The following ACSL6 variants were observed in gnomAD, a reference collection of about 807,000 sequenced individuals.
The protein encoded by ACSL6 is long-chain-fatty-acid--CoA ligase 6.
Under a neutral mutation model 98.2 loss-of-function variants are expected in ACSL6, and 47 were observed. That is an observed-to-expected ratio of 0.48 (90% CI 0.38 to 0.61). The LOEUF is 0.61. ACSL6 is among the 20% of genes least tolerant of loss of function. The probability of loss-of-function intolerance (pLI) is 0.00; values close to 1 mark genes in which losing one functional copy is unlikely to be tolerated. For synonymous variants in ACSL6, 362 were observed against 336.9 expected (o/e 1.07, Z -0.82); for missense variants, 761 against 913.4 (o/e 0.83, Z 2.15).
chr5:131,951,041 A>G lies in ACSL6; in HGVS notation c.*3193T>C, dbSNP rs1259499975. Reference sequence around the variant, plus strand: ...CATTTGCAAGGGAAGTCTCAATATTATATAAAGACATCTTCCACAGCAAAA... The same window carrying G: ...CATTTGCAAGGGAAGTCTCAATATTGTATAAAGACATCTTCCACAGCAAAA... On this transcript the variant is annotated 3_prime_UTR_variant, in exon 21 of 21. Coordinates refer to ENST00000651883, the MANE Select transcript of ACSL6 (RefSeq NM_001009185.3). The G allele has an allele frequency of 5.1e-6, 1 of 196,456 alleles. No homozygotes were observed. The highest frequency in any genetic ancestry group is 1.1e-5 in the Non-Finnish European group (1 of 94,828). 12.2% of individuals were successfully genotyped at this position (196,456 alleles called of 1,614,324 possible).
intron 9 of ACSL6, among the ~76,000 whole-genome samples, chr5:131,981,339 A>C (rs1024065491): frequency 8.6e-5 from 13 of 151,866 alleles, no homozygotes; most frequent in African/African-American, 2.2e-4. Context: ...AAAAAAAAAA[A>C]AAAAAACACA....
chr5:132,009,234 G>A (rs1309700291), intron 1 of ACSL6, among the ~76,000 whole-genome samples: 1 of 152,196 alleles, frequency 6.6e-6, no homozygotes, highest in Non-Finnish European at 1.5e-5. Context: ...CTCCCTGAGG[G>A]CCCTTGAGGG....
chr5:131,976,691 C>T lies in ACSL6; in HGVS notation c.947G>A (p.Gly316Glu), dbSNP rs556101702. Residue 316 changes from glycine to glutamate, a missense_variant, in exon 10 of 21, where the codon GGG becomes GAG. Physicochemically the swap from Gly to Glu is moderately conservative, Grantham distance 98. Transcript: ENST00000651883. Reference sequence around the variant, plus strand: ...GCCTGAGAAATCAGCCACCACGTTCCCATGGGTGAGCATCGCACCTTTTGG... The same window carrying T: ...GCCTGAGAAATCAGCCACCACGTTCTCATGGGTGAGCATCGCACCTTTTGG... ...GNPKGAMLTH[G>E]NVVADFSGFL... 3.7e-5 allele frequency: 60 copies of T among 1,614,200 alleles called. 1 individual carries two copies. In the South Asian group the frequency reaches 6.1e-4, roughly 17 times the overall value.
At chr5:131,984,464 A>G (rs1754064061) in intron 9 of ACSL6, 1 of 152,292 alleles carries the variant, frequency 6.6e-6, no homozygotes, top group African/African-American at 2.4e-5. Context: ...CCACGTCATC[A>G]GATGAGATGG....
At chr5:131,976,614 G>T in intron 10 of ACSL6, 34 bp downstream of exon 10, 1 of 1,558,758 alleles carries the variant, frequency 6.4e-7, no homozygotes, top group South Asian at 1.1e-5. Flanking sequence ...TTGTCCTCAA[G>T]AGACACCTGC....
intron 20 of ACSL6, 43 bp from the exon 21 acceptor site, chr5:131,954,414 A>T: frequency 6.3e-7 from 1 of 1,598,742 alleles, no homozygotes; most frequent in Non-Finnish European, 8.5e-7. Context: ...GGAATAGAAC[A>T]CAGTATTTAT....
intron 9 of ACSL6, among the ~76,000 whole-genome samples, chr5:131,981,175 C>T (rs1489435973): frequency 1.3e-5 from 2 of 152,054 alleles, no homozygotes; most frequent in Non-Finnish European, 2.9e-5. Flanking sequence ...GCTTGAGCAT[C>T]CTCTTCCTTT....
At chr5:131,990,776 G>T in intron 3 of ACSL6, 77 bp downstream of exon 3, 1 of 1,360,850 alleles carries the variant, frequency 7.3e-7, no homozygotes, top group Non-Finnish European at 1.0e-6. Flanking sequence ...CTGGTATCAT[G>T]CTTGCATACC....
intron 10 of ACSL6, 100 bp from the exon 11 acceptor site, chr5:131,975,070 A>T (rs1753544475): frequency 6.8e-7 from 1 of 1,476,648 alleles, no homozygotes; most frequent in Admixed American, 2.1e-5. Context: ...CCTGGAGGGT[A>T]AACAGGAAGA....
chr5:131,997,283 G>C (rs560203176), intron 1 of ACSL6, among the ~76,000 whole-genome samples: 74 of 152,308 alleles, frequency 4.9e-4, no homozygotes, highest in African/African-American at 1.8e-3. Context: ...GAGAACAGAG[G>C]CTCCACTGGA....
At position 131,994,262 on chromosome 5, in the gene ACSL6, C is replaced by T. The variant is rs1754677572; in HGVS notation, c.50-11G>A. 2 of 1,598,496 alleles carry T rather than the reference C, an allele frequency of 1.3e-6. No individual in the cohort carries two copies. The highest frequency in any genetic ancestry group is 2.3e-5 in the East Asian group (1 of 44,070). ...GTGAGAGGACAAACTCTGTTGAAAACAAGAGTCAGATAAGGCAAGAGACCT... is the reference window on the plus strand; with the variant it reads ...GTGAGAGGACAAACTCTGTTGAAAATAAGAGTCAGATAAGGCAAGAGACCT... On this transcript the variant is annotated splice_polypyrimidine_tract_variant and intron_variant, in intron 1 of 20. Transcript: ENST00000651883.
intron 1 of ACSL6, among the ~76,000 whole-genome samples, chr5:132,000,753 C>T (rs988997978): frequency 6.6e-6 from 1 of 152,210 alleles, no homozygotes; most frequent in African/African-American, 2.4e-5. Flanking sequence ...AATTACGAGT[C>T]TGCCTGCACT....
chr5:131,960,402 A>G, intron 19 of ACSL6, 118 bp downstream of exon 19: 1 of 678,654 alleles, frequency 1.5e-6, no homozygotes, highest in Non-Finnish European at 2.4e-6. Context: ...TATATAAAGT[A>G]ATGTTAGAAA....
Position 131,966,478 on chromosome 5 carries a change from T to C in ACSL6, c.1651A>G (p.Thr551Ala), listed in dbSNP as rs374657194. ...CCATCGCTGTCCAGGGCCTCCTTCGTCCTGTCTGGATCTTTCAAGTAGCCT... is the reference window on the plus strand; with the variant it reads ...CCATCGCTGTCCAGGGCCTCCTTCGCCCTGTCTGGATCTTTCAAGTAGCCT... ...FKGYLKDPDR[T>A]KEALDSDGWL... The change falls in exon 17 of 21, where the codon ACG (threonine) becomes GCG (alanine). Residue 551 changes from threonine to alanine, a missense_variant. By Grantham distance (58) the Thr-to-Ala change is moderately conservative. Coordinates refer to ENST00000651883, the MANE Select transcript of ACSL6 (RefSeq NM_001009185.3). The C allele has an allele frequency of 1.4e-5, 23 of 1,614,052 alleles. No homozygotes were observed. The highest frequency in any genetic ancestry group is 1.8e-5 in the Non-Finnish European group (21 of 1,180,044).
At chr5:131,972,692 G>A in intron 13 of ACSL6, 32 bp downstream of exon 13, 1 of 1,612,250 alleles carries the variant, frequency 6.2e-7, no homozygotes, top group Non-Finnish European at 8.5e-7. Context: ...ATACTTAGGT[G>A]TCACTCTATA....
At chr5:131,957,813 G>A (rs1047224914) in intron 20 of ACSL6, among the ~76,000 whole-genome samples, 2 of 152,216 alleles carry the variant, frequency 1.3e-5, no homozygotes, top group Non-Finnish European at 2.9e-5. Flanking sequence ...CATGAGGCCT[G>A]GTTTTTGCTT....
At chr5:131,996,970 A>G (rs1167707734) in intron 1 of ACSL6, among the ~76,000 whole-genome samples, 1 of 152,226 alleles carries the variant, frequency 6.6e-6, no homozygotes, top group East Asian at 1.9e-4. Context: ...TGGCAGAGGA[A>G]AGTAAACATA....
chr5:131,956,768 A>G (rs1042318775), intron 20 of ACSL6, among the ~76,000 whole-genome samples: 28 of 152,288 alleles, frequency 1.8e-4, no homozygotes, highest in African/African-American at 6.5e-4. Flanking sequence ...CATAAAGCCA[A>G]ACTGTCCAAT....
intron 13 of ACSL6, 99 bp downstream of exon 13, chr5:131,972,625 A>G (rs1753372971): frequency 1.0e-5 from 14 of 1,344,916 alleles, no homozygotes; most frequent in Non-Finnish European, 1.3e-5. Flanking sequence ...ACTATTTCAC[A>G]TGATTACAGG....
Sources: allele counts gnomAD v4.1 joint callset (sites outside exome capture counted in the v4.1 genomes callset), GRCh38; gene constraint gnomAD v4.1.1; transcripts MANE v1.5; gene names NCBI Gene and HGNC (gene_info 2026-07-23, HGNC 2026-07-21).